CNOT8: variants seen among roughly 807,000 people sequenced by gnomAD.
CNOT8 encodes CCR4-NOT transcription complex subunit 8, also known as CAF1-like protein.
A neutral mutation model predicts 34.6 loss-of-function variants in CNOT8; 18 were observed. The ratio of observed to expected loss-of-function variants is 0.52; its 90% CI spans 0.36 to 0.77. The LOEUF is 0.77. Among genes scored for constraint, CNOT8 ranks in the 30% least tolerant of loss-of-function variants. The pLI is 0.00. For synonymous variants in CNOT8, 101 were observed against 118.8 expected (o/e 0.85, Z 0.98); for missense variants, 189 against 347.9 (o/e 0.54, Z 3.63).
chr5:154,866,821 G>T (rs1385153705), intron 3 of CNOT8, among the ~76,000 whole-genome samples: 1 of 152,180 alleles, frequency 6.6e-6, no homozygotes, highest in Non-Finnish European at 1.5e-5. Context: ...GCTGAGGTGG[G>T]AGGATCACTT....
Position 154,861,581 on chromosome 5 carries a change from G to T in CNOT8, c.-72-1626G>T, listed in dbSNP as rs569224175. On this transcript the variant is annotated intron_variant, in intron 1 of 6. Coordinates refer to ENST00000285896, the MANE Select transcript of CNOT8 (RefSeq NM_001301073.2). Reference sequence around the variant, plus strand: ...TGTCCCTTGGGAACCACTTACATTCGTTTTACTGTTTCTAGGAAATTTTCT... The same window carrying T: ...TGTCCCTTGGGAACCACTTACATTCTTTTTACTGTTTCTAGGAAATTTTCT... Among the ~76,000 whole-genome samples the T allele has an allele frequency of 1.3e-3, 203 of 152,280 alleles. 2 individuals carry two copies. The highest frequency in any genetic ancestry group is 4.5e-3 in the African/African-American group (189 of 41,554).
In CNOT8 at chr5:154,863,395, G is replaced by T; in HGVS notation, c.117G>T (p.Met39Ile). The T allele has an allele frequency of 1.3e-6, 2 of 1,598,702 alleles. No homozygotes were observed. Among genetic ancestry groups the T allele is most frequent in the Non-Finnish European group, 1.7e-6 (2 of 1,166,102 alleles). Residue 39 changes from methionine to isoleucine, a missense_variant and splice_region_variant, in exon 2 of 7, where the codon ATG becomes ATT. By Grantham distance (10) the Met-to-Ile change is conservative. Transcript: ENST00000285896. ...TGCTCAGTTACAGTTATATTGCCAT[G>T]GTAAGGAGCTCTACTCTGACTCACC... is the stretch of plus-strand genomic sequence containing the variant. ...EIVLSYSYIA[M>I]DTEFPGVVVR...
chr5:154,866,276 G>T (rs769711126), intron 3 of CNOT8, among the ~76,000 whole-genome samples: 1 of 151,992 alleles, frequency 6.6e-6, no homozygotes, highest in Admixed American at 6.6e-5. Context: ...ATCCTCCCAC[G>T]TCAGCCCCCT....
rs1561685482 is a variant in CNOT8, at chr5:154,868,265, TTTC to T, written c.312-2393_312-2391del. Among the ~76,000 whole-genome samples, 25 of 119,820 alleles carry T rather than the reference TTTC, an allele frequency of 2.1e-4. No individual in the cohort carries two copies. In the South Asian group the frequency reaches 5.4e-3, roughly 26 times the overall value. 78.6% of individuals were successfully genotyped at this position (119,820 alleles called of 152,430 possible). The stretch of plus-strand genomic sequence containing the variant: ...TTACTGCCTTTTCTTTTTCTTTTCT[TTTC>T]TTTTTTTTTTTTTTTTTTGAGGTAA... On this transcript the variant is annotated intron_variant, in intron 3 of 6. Coordinates refer to ENST00000285896, the MANE Select transcript of CNOT8 (RefSeq NM_001301073.2).
chr5:154,861,050 G>T (rs1445756409), intron 1 of CNOT8, among the ~76,000 whole-genome samples: 4 of 152,160 alleles, frequency 2.6e-5, no homozygotes, highest in African/African-American at 9.7e-5. Flanking sequence ...TATTATTTCA[G>T]TTAGGGAAAT....
Position 154,875,736 on chromosome 5 carries a change from T to C in CNOT8, c.*297T>C. On this transcript the variant is annotated 3_prime_UTR_variant, in exon 7 of 7. Transcript: ENST00000285896. ...GGCTCATTTGACACCTTTTTAAATA[T>C]CAGGACAAGTCTGAAACAAAGTAGT... The C allele has an allele frequency of 3.7e-6, 1 of 273,620 alleles. No individual in the cohort carries two copies. The highest frequency in any genetic ancestry group is 7.0e-6 in the Non-Finnish European group (1 of 143,206). The allele number at this position is 273,620 out of a possible 1,614,324, so 16.9% of individuals were successfully genotyped here.
At chr5:154,863,137 G>C in intron 1 of CNOT8, 70 bp from the exon 2 acceptor site, 1 of 644,546 alleles carries the variant, frequency 1.6e-6, no homozygotes, top group South Asian at 1.8e-5. Context: ...ATATTATTTT[G>C]ATGTCTTTGT....
intron 2 of CNOT8, among the ~76,000 whole-genome samples, chr5:154,863,947 C>G (rs1310562650): frequency 6.6e-6 from 1 of 151,406 alleles, no homozygotes; most frequent in Admixed American, 6.6e-5. Flanking sequence ...TCTGGCATCT[C>G]TGAAAAAAAA....
At chr5:154,868,115 TTC>T (rs1762079060) in intron 3 of CNOT8, among the ~76,000 whole-genome samples, 1 of 151,782 alleles carries the variant, frequency 6.6e-6, no homozygotes, top group South Asian at 2.1e-4. Context: ...TTTTGTATTT[TTC>T]TAGTAGAGAC....
In CNOT8 at chr5:154,865,454, T is replaced by G. The variant is rs185861935; in HGVS notation, c.311+69T>G. On this transcript the variant is annotated intron_variant, in intron 3 of 6. Transcript: ENST00000285896. Reference sequence around the variant, plus strand: ...TCACTGAATCCAGGTGGGTGTTGGATAGAGCGGTCAAGCAGAGGACGGAAC... The same window carrying G: ...TCACTGAATCCAGGTGGGTGTTGGAGAGAGCGGTCAAGCAGAGGACGGAAC... 3.0e-4 allele frequency: 347 copies of G among 1,151,138 alleles called. 1 individual carries two copies. Among genetic ancestry groups the G allele is most frequent in the Non-Finnish European group, 1.7e-4 (138 of 827,724 alleles). 71.3% of individuals were successfully genotyped at this position (1,151,138 alleles called of 1,614,324 possible).
At chr5:154,860,819 G>A (rs1176314431) in intron 1 of CNOT8, among the ~76,000 whole-genome samples, 9 of 152,054 alleles carry the variant, frequency 5.9e-5, no homozygotes, top group Admixed American at 2.0e-4. Context: ...GTCTGGCTTC[G>A]GCAGTCCCCA....
At chr5:154,869,612 TTTTG>T (rs1422701855) in intron 3 of CNOT8, among the ~76,000 whole-genome samples, 3 of 141,070 alleles carry the variant, frequency 2.1e-5, no homozygotes, top group Non-Finnish European at 4.5e-5. Context: ...TCCGGCTAAT[TTTTG>T]TTTTTTTGTG....
At chr5:154,870,633 G>C in intron 3 of CNOT8, 28 bp from the exon 4 acceptor site, 1 of 1,589,916 alleles carries the variant, frequency 6.3e-7, no homozygotes, top group Non-Finnish European at 8.6e-7. Flanking sequence ...TTATTCACCA[G>C]TTAATAAATA....
chr5:154,868,266 T>TC (rs1445937943), intron 3 of CNOT8, among the ~76,000 whole-genome samples: 6 of 119,306 alleles, frequency 5.0e-5, no homozygotes, highest in African/African-American at 2.1e-4. Context: ...TTCTTTTCTT[T>TC]TCTTTTTTTT....
chr5:154,871,634 TGAA>T (rs1762491040), intron 4 of CNOT8, 93 bp from the exon 5 acceptor site: 1 of 1,065,042 alleles, frequency 9.4e-7, no homozygotes, highest in Admixed American at 2.3e-5. Flanking sequence ...GTTCCTAACA[TGAA>T]GTAGCATTTA....
intron 3 of CNOT8, among the ~76,000 whole-genome samples, chr5:154,866,090 T>C (rs1369041740): frequency 6.6e-6 from 1 of 152,204 alleles, no homozygotes; most frequent in Non-Finnish European, 1.5e-5. Flanking sequence ...TTGCATAAAA[T>C]GATGTTAGTG....
chr5:154,867,294 G>A (rs886843406), intron 3 of CNOT8, among the ~76,000 whole-genome samples: 1 of 152,204 alleles, frequency 6.6e-6, no homozygotes, highest in African/African-American at 2.4e-5. Context: ...GTGTGTATGT[G>A]TAGATAGAGA....
intron 3 of CNOT8, among the ~76,000 whole-genome samples, chr5:154,866,430 G>A (rs1002738903): frequency 2.6e-5 from 4 of 152,098 alleles, no homozygotes; most frequent in East Asian, 1.9e-4. Context: ...ATTGTTGTTC[G>A]TATGTTTTGG....
At chr5:154,874,951 A>G (rs1050638778) in intron 6 of CNOT8, among the ~76,000 whole-genome samples, 30 of 149,724 alleles carry the variant, frequency 2.0e-4, no homozygotes, top group Admixed American at 1.3e-4. Flanking sequence ...AGTCTTCGCT[A>G]TGTTGCCCAG....
Sources: gnomAD v4.1 joint callset for allele counts (sites outside exome capture counted in the v4.1 genomes callset) on GRCh38, gnomAD v4.1.1 for gene constraint, MANE v1.5 for transcripts, NCBI Gene and HGNC (gene_info 2026-07-23, HGNC 2026-07-21) for gene names.